PIP5K1B: variants seen among roughly 807,000 people sequenced by gnomAD.
PIP5K1B encodes phosphatidylinositol-4-phosphate 5-kinase type 1 beta, also known as phosphatidylinositol 4-phosphate 5-kinase type-1 beta.
In PIP5K1B, 42 loss-of-function variants were observed where a neutral mutation model predicts 67.0. That is an observed-to-expected ratio of 0.63 (90% confidence interval 0.49 to 0.81). PIP5K1B has a LOEUF of 0.81. Ranked by LOEUF, PIP5K1B falls within the 30% of genes least tolerant of loss-of-function variation. The pLI, the probability that PIP5K1B is intolerant of heterozygous loss-of-function variation, is 0.00. For missense variants in PIP5K1B, 459 were observed against 646.3 expected, an observed-to-expected ratio of 0.71 and a Z score of 3.14; for synonymous variants, 214 against 231.4, an observed-to-expected ratio of 0.92 and a Z score of 0.68.
chr9:68,866,591 T>C (rs2132274647), intron 5 of PIP5K1B, among the ~76,000 whole-genome samples: 1 of 152,360 alleles, frequency 6.6e-6, no homozygotes, highest in East Asian at 1.9e-4. Context: ...TTAAGTTAGA[T>C]TTAAATTGTC....
chr9:68,736,387 A>AT (rs1828738942), intron 1 of PIP5K1B, among the ~76,000 whole-genome samples: 1 of 151,820 alleles, frequency 6.6e-6, no homozygotes, highest in South Asian at 2.1e-4. Context: ...GTATTTTAAC[A>AT]TTTTTTTTCT....
intron 2 of PIP5K1B, among the ~76,000 whole-genome samples, chr9:68,793,039 T>A (rs66460517): frequency 0.36 from 41,875 of 115,968 alleles, 6,092 homozygotes; most frequent in Admixed American, 0.46. Flanking sequence ...ACATAAAAAA[T>A]AAGTAAATTA....
intron 14 of PIP5K1B, among the ~76,000 whole-genome samples, chr9:68,959,511 T>C (rs1170665507): frequency 6.6e-6 from 1 of 152,198 alleles, no homozygotes; most frequent in Non-Finnish European, 1.5e-5. Flanking sequence ...TTTTTAGTTA[T>C]TTCTCTCAAC....
Position 68,791,149 on chromosome 9 carries a change from A to G in PIP5K1B, c.-85-27312A>G, listed in dbSNP as rs560568503. ...AGCAAGGCGTGTTGTGAAAGAATAC[A>G]ATTGAGAAAGATATTTTGTGCCCCA... On this transcript the variant is annotated intron_variant, in intron 2 of 15. Transcript: ENST00000265382. Among the ~76,000 whole-genome samples the G allele has an allele frequency of 2.0e-5, 3 of 152,308 alleles. No individual in the cohort carries two copies. In the East Asian group the frequency reaches 5.8e-4, roughly 29 times the overall value.
chr9:68,829,214 G>A (rs184010700), intron 4 of PIP5K1B, among the ~76,000 whole-genome samples: 2 of 152,282 alleles, frequency 1.3e-5, no homozygotes, highest in South Asian at 2.1e-4. Context: ...GAGGGAAGAG[G>A]GGCTGGAGTG....
At chr9:68,843,848 G>C (rs552376652) in intron 4 of PIP5K1B, among the ~76,000 whole-genome samples, 7 of 152,304 alleles carry the variant, frequency 4.6e-5, no homozygotes, top group Admixed American at 2.6e-4. Flanking sequence ...CCAAGTATCT[G>C]ATATTCGTAC....
intron 3 of PIP5K1B, among the ~76,000 whole-genome samples, chr9:68,821,633 T>A (rs1161437028): frequency 6.6e-6 from 1 of 152,230 alleles, no homozygotes; most frequent in Non-Finnish European, 1.5e-5. Flanking sequence ...TGTGAATGAG[T>A]ATACTCTTCT....
In PIP5K1B at chr9:68,940,808, C is replaced by T. The variant is rs1827522517; in HGVS notation, c.1502+18C>T. On this transcript the variant is annotated intron_variant, in intron 14 of 15. Coordinates refer to ENST00000265382, the MANE Select transcript of PIP5K1B (RefSeq NM_003558.4). ...TCAAACAGGTAATACTTAGTGCAGT[C>T]AAATAACCCATCAGGCTGTTACCAC... 6.2e-7 allele frequency: 1 copy of T among 1,610,924 alleles called. No individual in the cohort carries two copies. Among genetic ancestry groups the T allele is most frequent in the South Asian group, 1.1e-5 (1 of 90,960 alleles).
At chr9:68,973,758 C>T (rs1204733772) in intron 14 of PIP5K1B, among the ~76,000 whole-genome samples, 1 of 152,244 alleles carries the variant, frequency 6.6e-6, no homozygotes, top group Non-Finnish European at 1.5e-5. Flanking sequence ...GAACACCAGC[C>T]AGGCCCCAGC....
At chr9:68,888,561 C>T (rs55830509) in intron 6 of PIP5K1B, among the ~76,000 whole-genome samples, 42,519 of 152,074 alleles carry the variant, frequency 0.28, 6,170 homozygotes, top group Middle Eastern at 0.33. Context: ...GAGTAGATGA[C>T]ATCTTCTGGG....
intron 2 of PIP5K1B, among the ~76,000 whole-genome samples, chr9:68,803,084 GA>G (rs1832689439): frequency 6.6e-6 from 1 of 152,176 alleles, no homozygotes; most frequent in Non-Finnish European, 1.5e-5. Context: ...AGATTGATTG[GA>G]AAGAGCTTAA....
chr9:68,750,233 TGCACA>T (rs1242967981), intron 2 of PIP5K1B, among the ~76,000 whole-genome samples: 50 of 152,242 alleles, frequency 3.3e-4, no homozygotes, highest in African/African-American at 1.2e-3. Flanking sequence ...GTTGTAAAGA[TGCACA>T]TGTTTTAATA....
intron 1 of PIP5K1B, among the ~76,000 whole-genome samples, chr9:68,741,183 A>G (rs1326541094): frequency 1.3e-5 from 2 of 152,182 alleles, no homozygotes; most frequent in Non-Finnish European, 1.5e-5. Context: ...AATGCCTAAA[A>G]CAGTGTGTGT....
chr9:68,784,929 T>A (rs1831526349), intron 2 of PIP5K1B, among the ~76,000 whole-genome samples: 1 of 152,162 alleles, frequency 6.6e-6, no homozygotes, highest in Non-Finnish European at 1.5e-5. Context: ...TTTCTGATTG[T>A]GCCTATTTTC....
chr9:68,925,474 C>T (rs1362253740), intron 12 of PIP5K1B, among the ~76,000 whole-genome samples: 1 of 152,064 alleles, frequency 6.6e-6, no homozygotes, highest in Non-Finnish European at 1.5e-5. Flanking sequence ...AAGGTTCAAC[C>T]CTTATTCATG....
intron 1 of PIP5K1B, among the ~76,000 whole-genome samples, chr9:68,715,239 G>T (rs1236317961): frequency 6.6e-6 from 1 of 152,172 alleles, no homozygotes; most frequent in Non-Finnish European, 1.5e-5. Flanking sequence ...TGGGGCTGGG[G>T]GTGCTGGACA....
At chr9:68,989,667 T>C (rs1339468685) in intron 14 of PIP5K1B, among the ~76,000 whole-genome samples, 1 of 152,150 alleles carries the variant, frequency 6.6e-6, no homozygotes, top group East Asian at 1.9e-4. Context: ...CCTAAATTAA[T>C]ACCCAATTTT....
chr9:68,910,250 G>C (rs145948243), intron 8 of PIP5K1B, among the ~76,000 whole-genome samples: 1 of 152,300 alleles, frequency 6.6e-6, no homozygotes, highest in African/African-American at 2.4e-5. Context: ...TAAATCAAAA[G>C]AATCTCTATA....
rs145191426 is a variant in PIP5K1B, at chr9:68,907,891, G to A, written c.772-9657G>A. On this transcript the variant is annotated intron_variant, in intron 8 of 15. Coordinates refer to ENST00000265382, the MANE Select transcript of PIP5K1B (RefSeq NM_003558.4). ...AAACCATCAAGGTCTTATTTATCAC[G>A]GACAGATTCTTCCATTCTTCTTCTC... 3.1e-3 allele frequency among the ~76,000 whole-genome samples: 465 copies of A among 152,278 alleles called. 2 individuals are homozygous for A. Among genetic ancestry groups the A allele is most frequent in the African/African-American group, 0.01 (425 of 41,554 alleles).
Sources: gnomAD v4.1 joint callset for allele counts (sites outside exome capture counted in the v4.1 genomes callset) on GRCh38, gnomAD v4.1.1 for gene constraint, MANE v1.5 for transcripts, NCBI Gene and HGNC (gene_info 2026-07-23, HGNC 2026-07-21) for gene names.